Variants in SLC10A7 observed in about 807,000 individuals in gnomAD.
SLC10A7 encodes the protein sodium/bile acid cotransporter 7.
In SLC10A7, 29 loss-of-function variants were observed where a neutral mutation model predicts 43.2. That is an observed-to-expected ratio of 0.67 (90% confidence interval 0.50 to 0.92). The LOEUF (loss-of-function observed/expected upper bound fraction) is 0.92. SLC10A7 is among the 40% of genes least tolerant of loss of function. The pLI, the probability that SLC10A7 is intolerant of heterozygous loss-of-function variation, is 0.00. For synonymous variants in SLC10A7, 152 were observed against 144.8 expected (o/e 1.05, Z -0.35); for missense variants, 295 against 403.2 (o/e 0.73, Z 2.30).
chr4:146,416,142 G>T (rs1410230324), intron 5 of SLC10A7, among the ~76,000 whole-genome samples: 1 of 152,152 alleles, frequency 6.6e-6, no homozygotes, highest in Admixed American at 6.5e-5. Context: ...TAGAGCAAGG[G>T]AGATGCCAGA....
Position 146,306,029 on chromosome 4 carries a change from G to C in SLC10A7, c.472-20C>G. The C allele has an allele frequency of 6.4e-7, 1 of 1,570,380 alleles. No individual in the cohort carries two copies. Among genetic ancestry groups the C allele is most frequent in the East Asian group, 2.3e-5 (1 of 44,104 alleles). On this transcript the variant is annotated intron_variant, in intron 6 of 11. Transcript: ENST00000335472. ...ACCAAGCTGTAAAACAAGAAAATAGGAGTTAGAATTACTTCAAATCAGTTA... is the reference window on the plus strand; with the variant it reads ...ACCAAGCTGTAAAACAAGAAAATAGCAGTTAGAATTACTTCAAATCAGTTA...
intron 2 of SLC10A7, among the ~76,000 whole-genome samples, chr4:146,511,969 C>CTTT (rs765683134): frequency 0.014 from 1,422 of 98,506 alleles, 18 homozygotes; most frequent in African/African-American, 0.02. Context: ...TGCATATACT[C>CTTT]TTTTTTTTTT....
chr4:146,329,016 GA>G (rs1733351987), intron 5 of SLC10A7, among the ~76,000 whole-genome samples: 2 of 152,146 alleles, frequency 1.3e-5, no homozygotes, highest in African/African-American at 4.8e-5. Context: ...TGATACTAAA[GA>G]AAATCAGTGA....
At chr4:146,285,122 C>T (rs1476582308) in intron 9 of SLC10A7, among the ~76,000 whole-genome samples, 2 of 152,092 alleles carry the variant, frequency 1.3e-5, no homozygotes, top group Non-Finnish European at 2.9e-5. Context: ...ATTCTTCAGG[C>T]TGACTTGTGT....
At chr4:146,485,863 G>T (rs1734864870) in intron 4 of SLC10A7, among the ~76,000 whole-genome samples, 1 of 151,998 alleles carries the variant, frequency 6.6e-6, no homozygotes, top group Non-Finnish European at 1.5e-5. Flanking sequence ...GAAGAGATAA[G>T]GAGAGACAAT....
chr4:146,323,009 A>T (rs1732840251), intron 6 of SLC10A7, among the ~76,000 whole-genome samples: 1 of 152,192 alleles, frequency 6.6e-6, no homozygotes, highest in African/African-American at 2.4e-5. Context: ...TGTTGGCTGC[A>T]TAAATGTTTT....
At chr4:146,515,694 G>C (rs991060058) in intron 2 of SLC10A7, among the ~76,000 whole-genome samples, 1 of 152,096 alleles carries the variant, frequency 6.6e-6, no homozygotes, top group Non-Finnish European at 1.5e-5. Flanking sequence ...TGAATCATTT[G>C]AGGTCAGGAG....
intron 10 of SLC10A7, among the ~76,000 whole-genome samples, chr4:146,281,019 A>C (rs937290812): frequency 6.6e-6 from 1 of 152,184 alleles, no homozygotes; most frequent in Non-Finnish European, 1.5e-5. Context: ...CTAGTACAGC[A>C]TCATATTGGA....
At chr4:146,426,571 T>C (rs1475587326) in intron 5 of SLC10A7, among the ~76,000 whole-genome samples, 1 of 152,188 alleles carries the variant, frequency 6.6e-6, no homozygotes, top group Non-Finnish European at 1.5e-5. Context: ...TTCTAGTTTG[T>C]ATTTTTAAAA....
At chr4:146,460,955 A>T (rs2149936006) in intron 4 of SLC10A7, among the ~76,000 whole-genome samples, 1 of 152,134 alleles carries the variant, frequency 6.6e-6, no homozygotes, top group South Asian at 2.1e-4. Flanking sequence ...AATTAAAAAA[A>T]TAAGGTTTTG....
Position 146,293,959 on chromosome 4 carries a change from T to A in SLC10A7, c.692A>T (p.Lys231Ile). Residue 231 changes from lysine (K) to isoleucine (I), a missense_variant, in exon 8 of 12, where the codon AAA becomes ATA. This residue lies in a region of SLC10A7 where 242 missense variants were observed against 362.5 expected (regional missense o/e 0.67). Coordinates refer to ENST00000335472, the MANE Select transcript of SLC10A7 (RefSeq NM_001029998.6). The stretch of plus-strand genomic sequence containing the variant: ...GAACAGTATGAGAACAAGGCTGAAT[T>A]TATCCAGGTCAATATTTGGGTTAGA... ...TFSNPNIDLD[K>I]FSLVLILFII... 1 of 1,613,128 alleles carries A rather than the reference T, an allele frequency of 6.2e-7. No homozygotes were observed. The highest frequency in any genetic ancestry group is 8.5e-7 in the Non-Finnish European group (1 of 1,179,346).
intron 7 of SLC10A7, among the ~76,000 whole-genome samples, chr4:146,295,092 C>T (rs1351750445): frequency 6.6e-6 from 1 of 152,134 alleles, no homozygotes; most frequent in Non-Finnish European, 1.5e-5. Context: ...GGTACTCTGT[C>T]ACTAAAAAGG....
At chr4:146,440,185 G>A (rs1730488921) in intron 5 of SLC10A7, among the ~76,000 whole-genome samples, 1 of 152,144 alleles carries the variant, frequency 6.6e-6, no homozygotes, top group Admixed American at 6.6e-5. Flanking sequence ...GTGATCATGT[G>A]ACTGAGTTCT....
intron 5 of SLC10A7, among the ~76,000 whole-genome samples, chr4:146,331,360 T>C (rs1733519897): frequency 6.6e-6 from 1 of 152,186 alleles, no homozygotes; most frequent in African/African-American, 2.4e-5. Flanking sequence ...AGATTCAGAC[T>C]ATAAAAGTAT....
intron 5 of SLC10A7, among the ~76,000 whole-genome samples, chr4:146,405,602 A>G (rs537087043): frequency 6.6e-6 from 1 of 152,300 alleles, no homozygotes; most frequent in South Asian, 2.1e-4. Context: ...GCAATGAAGA[A>G]CTGAGAATTG....
chr4:146,457,901 A>T (rs2149928646), intron 4 of SLC10A7, among the ~76,000 whole-genome samples: 1 of 152,062 alleles, frequency 6.6e-6, no homozygotes, highest in African/African-American at 2.4e-5. Context: ...ATTCTACCAA[A>T]TATTTAAAGA....
chr4:146,258,481 T>C (rs1178423051), intron 11 of SLC10A7, among the ~76,000 whole-genome samples: 3 of 152,228 alleles, frequency 2.0e-5, no homozygotes, highest in Non-Finnish European at 4.4e-5. Context: ...TTAAGTATAA[T>C]TGTCTTTTAT....
chr4:146,518,496 A>C (rs987238025), intron 1 of SLC10A7, among the ~76,000 whole-genome samples: 1 of 152,144 alleles, frequency 6.6e-6, no homozygotes, highest in African/African-American at 2.4e-5. Flanking sequence ...TTAAAAACCT[A>C]AGATCATCTC....
At chr4:146,316,793 G>A (rs1352066) in intron 6 of SLC10A7, among the ~76,000 whole-genome samples, 124,403 of 152,036 alleles carry the variant, frequency 0.82, 51,711 homozygotes, top group African/African-American at 0.95. Flanking sequence ...GACTCAGCCC[G>A]TGATTAATAT....
Sources: allele counts gnomAD v4.1 joint callset (sites outside exome capture counted in the v4.1 genomes callset), GRCh38; gene constraint gnomAD v4.1.1; regional missense constraint gnomAD v4.1.1; transcripts MANE v1.5; gene names NCBI Gene and HGNC (gene_info 2026-07-23, HGNC 2026-07-21).